Variants in CERS3 observed in about 807,000 individuals in gnomAD.
The protein encoded by CERS3 is LAG1 homolog, ceramide synthase 3.
In CERS3, 33 loss-of-function variants were observed where a neutral mutation model predicts 50.3. The observed-to-expected ratio is 0.66, with a 90% CI of 0.50 to 0.88. The LOEUF (loss-of-function observed/expected upper bound fraction) is 0.88, where lower values mean the gene tolerates loss of function less well. Among genes scored for constraint, CERS3 ranks in the 40% least tolerant of loss-of-function variants. CERS3 has a pLI of 0.00. For missense variants in CERS3, 470 were observed against 460.3 expected, an observed-to-expected ratio of 1.02 and a Z score of -0.19; for synonymous variants, 176 against 155.2, an observed-to-expected ratio of 1.13 and a Z score of -0.99.
intron 3 of CERS3, 120 bp downstream of exon 3, chr15:100,501,557 C>T (rs1442964449): frequency 1.5e-5 from 12 of 782,440 alleles, no homozygotes; most frequent in Non-Finnish European, 2.2e-5. Flanking sequence ...AATCTGTGGC[C>T]CATTAGTGGC....
intron 11 of CERS3, among the ~76,000 whole-genome samples, chr15:100,429,899 T>C (rs2033024344): frequency 6.6e-6 from 1 of 152,052 alleles, no homozygotes; most frequent in African/African-American, 2.4e-5. Context: ...TAAAGTCAAA[T>C]CCGGATGTCT....
intron 11 of CERS3, among the ~76,000 whole-genome samples, chr15:100,425,747 T>A (rs2032772187): frequency 6.6e-6 from 1 of 152,142 alleles, no homozygotes; most frequent in Admixed American, 6.5e-5. Context: ...TTTTGCAATG[T>A]GAGAAGGACA....
chr15:100,443,953 C>G (rs111229132), intron 11 of CERS3, among the ~76,000 whole-genome samples: 3 of 152,204 alleles, frequency 2.0e-5, no homozygotes, highest in African/African-American at 7.2e-5. Context: ...CTCCTCTTTC[C>G]GTTCCTTGAA....
intron 11 of CERS3, among the ~76,000 whole-genome samples, chr15:100,455,499 G>C: frequency 6.6e-6 from 1 of 152,134 alleles, no homozygotes; most frequent in East Asian, 1.9e-4. Flanking sequence ...AAATACTCAA[G>C]ATGATGGATA....
At chr15:100,475,426 G>A (rs1349002783) in intron 8 of CERS3, among the ~76,000 whole-genome samples, 1 of 152,144 alleles carries the variant, frequency 6.6e-6, no homozygotes, top group African/African-American at 2.4e-5. Context: ...TGAGGTATAT[G>A]CCAAGAGAAT....
intron 5 of CERS3, among the ~76,000 whole-genome samples, chr15:100,483,787 A>ATTATTTTATTTTTT (rs760594142): frequency 2.0e-5 from 2 of 100,040 alleles, no homozygotes; most frequent in African/African-American, 7.7e-5. Context: ...TATTATTATT[A>ATTATTTTATTTTTT]TTTTTTTTTT....
Position 100,490,899 on chromosome 15 carries a change from C to G in CERS3, c.206G>C (p.Gly69Ala). The change falls in exon 4 of 12, where the codon GGC becomes GCC. Residue 69 changes from glycine to alanine, a missense_variant. Coordinates refer to ENST00000679737, the MANE Select transcript of CERS3 (RefSeq NM_001378789.1). ...AACCTTTCGAACTGTCTCTTTAATG[C>G]CAAATGATTTTGCTAGAGGTGAAGC... Reference protein sequence around the residue: ...FVASPLAKSFGIKETVRKVTP... With the variant: ...FVASPLAKSFAIKETVRKVTP... The G allele has an allele frequency of 1.2e-6, 2 of 1,603,670 alleles. No individual in the cohort carries two copies. The highest frequency in any genetic ancestry group is 1.7e-6 in the Non-Finnish European group (2 of 1,176,532).
intron 4 of CERS3, among the ~76,000 whole-genome samples, chr15:100,489,753 T>TA (rs947691627): frequency 2.6e-5 from 4 of 152,080 alleles, no homozygotes; most frequent in African/African-American, 9.7e-5. Flanking sequence ...CACATGGGAA[T>TA]AAAAAACATA....
At chr15:100,535,732 T>C (rs535508083) in intron 1 of CERS3, among the ~76,000 whole-genome samples, 10 of 98,704 alleles carry the variant, frequency 1.0e-4, no homozygotes, top group Middle Eastern at 5.0e-3. Flanking sequence ...ATCCCTATGC[T>C]CATATGTGCA....
intron 11 of CERS3, among the ~76,000 whole-genome samples, chr15:100,417,916 C>T (rs573440355): frequency 5.2e-4 from 79 of 152,054 alleles, no homozygotes; most frequent in African/African-American, 1.8e-3. Flanking sequence ...ACATCCACAC[C>T]GAAAACCCAT....
At chr15:100,544,237 C>A (rs55719509) in intron 1 of CERS3, 76,934 of 152,268 alleles carry the variant, frequency 0.51, 20,179 homozygotes, top group East Asian at 0.66. Context: ...TGGGCACTGT[C>A]GCCCTGGAGC....
At chr15:100,522,265 C>G (rs751065609) in intron 1 of CERS3, among the ~76,000 whole-genome samples, 16 of 152,262 alleles carry the variant, frequency 1.1e-4, no homozygotes, top group Non-Finnish European at 2.2e-4. Context: ...CATTAGTGCA[C>G]TGGTTCCCAA....
intron 11 of CERS3, among the ~76,000 whole-genome samples, chr15:100,413,199 G>A (rs2031620288): frequency 6.6e-6 from 1 of 152,100 alleles, no homozygotes; most frequent in Non-Finnish European, 1.5e-5. Flanking sequence ...TTTAAAAACA[G>A]CTTTACATTC....
chr15:100,405,236 A>AG (rs1199344996), intron 11 of CERS3, among the ~76,000 whole-genome samples: 1 of 54,854 alleles, frequency 1.8e-5, no homozygotes, highest in Non-Finnish European at 6.0e-5. Context: ...TCAATGGTAA[A>AG]AAAAAAAAAA....
intron 1 of CERS3, 96 bp from the exon 2 acceptor site, chr15:100,521,852 T>G (rs2036648721): frequency 6.6e-6 from 1 of 152,188 alleles, no homozygotes; most frequent in South Asian, 2.1e-4. Context: ...AGTCAGAGTT[T>G]CAAACCAACG....
At chr15:100,454,326 G>A (rs1335402281) in intron 11 of CERS3, among the ~76,000 whole-genome samples, 1 of 146,470 alleles carries the variant, frequency 6.8e-6, no homozygotes, top group African/African-American at 2.5e-5. Context: ...GGAGATTGAG[G>A]CAGCAGTGAG....
intron 11 of CERS3, among the ~76,000 whole-genome samples, chr15:100,440,309 T>A (rs12148130): frequency 3.9e-5 from 6 of 152,044 alleles, no homozygotes; most frequent in Non-Finnish European, 5.9e-5. Context: ...GACCTGCACA[T>A]ACACATCCAG....
At chr15:100,440,371 C>T (rs530695876) in intron 11 of CERS3, among the ~76,000 whole-genome samples, 91 of 152,334 alleles carry the variant, frequency 6.0e-4, no homozygotes, top group African/African-American at 2.1e-3. Context: ...ATTCCTTCTC[C>T]TGGCTCATTC....
chr15:100,471,082 G>A (rs778724497), intron 9 of CERS3, among the ~76,000 whole-genome samples: 3 of 152,180 alleles, frequency 2.0e-5, no homozygotes, highest in Non-Finnish European at 1.5e-5. Flanking sequence ...TCTACCACCA[G>A]CTGATGGGAG....
Sources: gnomAD v4.1 joint callset for allele counts (sites outside exome capture counted in the v4.1 genomes callset) on GRCh38, gnomAD v4.1.1 for gene constraint, MANE v1.5 for transcripts, NCBI Gene and HGNC (gene_info 2026-07-23, HGNC 2026-07-21) for gene names.